ADAMTSL1: variants seen among roughly 807,000 people sequenced by gnomAD.
ADAMTSL1 encodes ADAMTS-like protein 1.
In ADAMTSL1, 126 loss-of-function variants were observed where a neutral mutation model predicts 201.8. The observed-to-expected ratio is 0.62, with a 90% CI of 0.54 to 0.72. The LOEUF is 0.72. ADAMTSL1 is among the 30% of genes least tolerant of loss of function. ADAMTSL1 has a pLI of 0.00. For synonymous variants in ADAMTSL1, 1,121 were observed against 903.4 expected (o/e 1.24, Z -4.32); for missense variants, 2,679 against 2,277.8 (o/e 1.18, Z -3.59).
chr9:18,805,884 GC>G (rs1342078844), intron 20 of ADAMTSL1, among the ~76,000 whole-genome samples: 1 of 152,120 alleles, frequency 6.6e-6, no homozygotes. Flanking sequence ...TGCCAAATCT[GC>G]CCAGCCTGCG....
chr9:18,008,351 G>A (rs1819914720), intron 1 of ADAMTSL1, among the ~76,000 whole-genome samples: 1 of 151,932 alleles, frequency 6.6e-6, no homozygotes, highest in South Asian at 2.1e-4. Context: ...TTAAAACTCA[G>A]CTTAAATCTC....
chr9:18,894,549 G>A (rs981106272), intron 26 of ADAMTSL1, among the ~76,000 whole-genome samples: 7 of 151,950 alleles, frequency 4.6e-5, no homozygotes, highest in Admixed American at 4.6e-4. Context: ...TTGGATATGA[G>A]GGATGAGAGA....
chr9:18,105,958 G>T (rs1824742950), intron 1 of ADAMTSL1, among the ~76,000 whole-genome samples: 1 of 152,190 alleles, frequency 6.6e-6, no homozygotes, highest in African/African-American at 2.4e-5. Flanking sequence ...TGGATGCTCA[G>T]TTCTGCAAAA....
chr9:18,689,186 T>G (rs12686602), intron 13 of ADAMTSL1, among the ~76,000 whole-genome samples: 47,175 of 151,904 alleles, frequency 0.31, 8,050 homozygotes, highest in Non-Finnish European at 0.39. Flanking sequence ...CTAAAAAAAT[T>G]ACTGACAGGT....
rs1050734754 is a variant in ADAMTSL1 at position 18,890,491 on chromosome 9, C to G, written c.4643+743C>G. The G allele has an allele frequency of 2.5e-4, 113 of 455,974 alleles. 1 individual carries two copies. The highest frequency in any genetic ancestry group is 2.0e-3 in the African/African-American group (98 of 50,158). The allele number at this position is 455,974 out of a possible 1,614,324, so 28.2% of individuals were successfully genotyped here. A position where few individuals can be genotyped will look rare whatever the true frequency, so the allele number is the denominator to read the frequency against. On this transcript the variant is annotated intron_variant, in intron 25 of 28. Transcript: ENST00000380548. ...GGATGTGGCTCAGCTCTCAAATGCC[C>G]CTTTACTACCTATCTGTAGGACTTT... is the stretch of plus-strand genomic sequence containing the variant.
At position 18,537,327 on chromosome 9, in the gene ADAMTSL1, G is replaced by A. The variant is rs188394890; in HGVS notation, c.237+4035G>A. Among the ~76,000 whole-genome samples the A allele has an allele frequency of 5.6e-3, 860 of 152,290 alleles. 5 individuals carry two copies. The highest frequency in any genetic ancestry group is 0.02 in the African/African-American group (827 of 41,570). ...AAAATCCACTTGAGAAGTAACACTT[G>A]AATAACAAGAAGAAAACAGCTATGT... On this transcript the variant is annotated intron_variant, in intron 3 of 28. Coordinates refer to ENST00000380548, the MANE Select transcript of ADAMTSL1 (RefSeq NM_001040272.6).
chr9:18,574,008 C>T (rs1432439119), intron 3 of ADAMTSL1, 22 bp from the exon 4 acceptor site: 2 of 1,601,366 alleles, frequency 1.2e-6, no homozygotes, highest in Admixed American at 1.7e-5. Context: ...CTTTGTATGT[C>T]CTTTCTCTCT....
At chr9:18,345,870 A>T (rs1452441123) in intron 2 of ADAMTSL1, among the ~76,000 whole-genome samples, 1 of 152,102 alleles carries the variant, frequency 6.6e-6, no homozygotes, top group Non-Finnish European at 1.5e-5. Flanking sequence ...GTGACAGGTG[A>T]TACCCCAAAT....
At chr9:18,632,815 G>C (rs1337873678) in intron 5 of ADAMTSL1, among the ~76,000 whole-genome samples, 1 of 152,186 alleles carries the variant, frequency 6.6e-6, no homozygotes, top group Non-Finnish European at 1.5e-5. Flanking sequence ...CCAACTGCTA[G>C]AGTTTGTACC....
intron 19 of ADAMTSL1, among the ~76,000 whole-genome samples, chr9:18,782,514 G>A (rs7047163): frequency 0.89 from 135,165 of 152,286 alleles, 60,137 homozygotes; most frequent in African/African-American, 0.94. Flanking sequence ...TTGCCTTTCC[G>A]CAAGGCTAAA....
chr9:17,934,696 C>T (rs1206494337), intron 1 of ADAMTSL1, among the ~76,000 whole-genome samples: 2 of 152,070 alleles, frequency 1.3e-5, no homozygotes, highest in Non-Finnish European at 2.9e-5. Flanking sequence ...GAGAAAATAG[C>T]AGCTATCAGA....
chr9:18,355,989 C>T (rs1836204284), intron 2 of ADAMTSL1, among the ~76,000 whole-genome samples: 1 of 152,242 alleles, frequency 6.6e-6, no homozygotes. Flanking sequence ...ATGGCCCACC[C>T]ACTTGGCCCA....
intron 2 of ADAMTSL1, among the ~76,000 whole-genome samples, chr9:18,205,808 C>T (rs1032506253): frequency 5.3e-5 from 8 of 151,958 alleles, no homozygotes; most frequent in Non-Finnish European, 8.8e-5. Flanking sequence ...AATCCCAAGA[C>T]GTTGTGAGGC....
intron 19 of ADAMTSL1, among the ~76,000 whole-genome samples, chr9:18,783,490 C>T (rs1020030804): frequency 6.6e-6 from 1 of 152,166 alleles, no homozygotes; most frequent in African/African-American, 2.4e-5. Flanking sequence ...TGAAGAAGCA[C>T]AGGTTTGCTT....
At chr9:18,332,190 A>G (rs1835056151) in intron 2 of ADAMTSL1, among the ~76,000 whole-genome samples, 1 of 152,344 alleles carries the variant, frequency 6.6e-6, no homozygotes. Flanking sequence ...CTGTACTTTT[A>G]TACTCTTCAT....
intron 1 of ADAMTSL1, among the ~76,000 whole-genome samples, chr9:18,079,057 C>T (rs906313280): frequency 4.6e-5 from 7 of 152,130 alleles, no homozygotes; most frequent in East Asian, 3.9e-4. Flanking sequence ...CTGTACTGAA[C>T]GCTGAGTGGC....
Position 18,492,798 on chromosome 9 carries a change from A to G in ADAMTSL1, c.64-12031A>G, listed in dbSNP as rs143881324. On this transcript the variant is annotated intron_variant, in intron 1 of 28. Coordinates refer to ENST00000380548, the MANE Select transcript of ADAMTSL1 (RefSeq NM_001040272.6). ...GCCAAAATTCCTTTTTGTGGAAGTGACTAATCTGAGGCAGAGAGAACTAAG... is the reference window on the plus strand; with the variant it reads ...GCCAAAATTCCTTTTTGTGGAAGTGGCTAATCTGAGGCAGAGAGAACTAAG... 1.3e-3 allele frequency among the ~76,000 whole-genome samples: 205 copies of G among 152,342 alleles called. 1 individual carries two copies. The highest frequency in any genetic ancestry group is 4.8e-3 in the African/African-American group (198 of 41,574).
chr9:18,100,386 T>C (rs183848339), intron 1 of ADAMTSL1, among the ~76,000 whole-genome samples: 1 of 152,286 alleles, frequency 6.6e-6, no homozygotes, highest in Non-Finnish European at 1.5e-5. Flanking sequence ...GCTCAAGCAA[T>C]TCTCCTGCCT....
intron 1 of ADAMTSL1, among the ~76,000 whole-genome samples, chr9:18,147,146 AC>A (rs1826679585): frequency 6.6e-6 from 1 of 152,134 alleles, no homozygotes. Flanking sequence ...AGGGTACGTA[AC>A]CTCTGAAACT....
Sources: gnomAD v4.1 joint callset for allele counts (sites outside exome capture counted in the v4.1 genomes callset) on GRCh38, gnomAD v4.1.1 for gene constraint, MANE v1.5 for transcripts, NCBI Gene and HGNC (gene_info 2026-07-23, HGNC 2026-07-21) for gene names.